RBFOX1: variants seen among roughly 807,000 people sequenced by gnomAD.
RBFOX1 encodes the protein RNA binding protein fox-1 homolog 1.
A neutral mutation model predicts 57.7 loss-of-function variants in RBFOX1; 8 were observed. That is an observed-to-expected ratio of 0.14 (90% CI 0.08 to 0.25). RBFOX1 has a LOEUF of 0.25. Ranked by LOEUF, RBFOX1 falls within the 10% of genes least tolerant of loss-of-function variation. The pLI is 1.00. For missense variants in RBFOX1, 611 were observed against 548.5 expected (o/e 1.11, Z -1.14); for synonymous variants, 326 against 222.4 (o/e 1.47, Z -4.15).
At chr16:7,080,307 C>A (rs2058992275) in intron 4 of RBFOX1, among the ~76,000 whole-genome samples, 1 of 152,030 alleles carries the variant, frequency 6.6e-6, no homozygotes, top group African/African-American at 2.4e-5. Flanking sequence ...TGAACACTGG[C>A]ATAAATAGAT....
intron 4 of RBFOX1, among the ~76,000 whole-genome samples, chr16:7,305,111 T>A (rs981863414): frequency 3.3e-5 from 5 of 150,560 alleles, no homozygotes; most frequent in Non-Finnish European, 5.9e-5. Flanking sequence ...TGGCATGTGT[T>A]AGGGTGTTTG....
chr16:6,858,440 A>G (rs149460532), intron 3 of RBFOX1, among the ~76,000 whole-genome samples: 77 of 152,218 alleles, frequency 5.1e-4, no homozygotes, highest in Middle Eastern at 3.4e-3. Context: ...GAGTTCCACA[A>G]TCTCGTTATG....
At chr16:7,673,807 A>G (rs996030618) in intron 13 of RBFOX1, among the ~76,000 whole-genome samples, 6 of 152,308 alleles carry the variant, frequency 3.9e-5, no homozygotes, top group Middle Eastern at 3.4e-3. Context: ...GCGTAGAACT[A>G]TTTTGTGTTT....
chr16:6,223,061 TG>T (rs2097387557), intron 1 of RBFOX1, among the ~76,000 whole-genome samples: 1 of 149,658 alleles, frequency 6.7e-6, no homozygotes, highest in South Asian at 2.2e-4. Context: ...TAGTATTCCA[TG>T]GTGTATATGT....
At chr16:6,155,598 G>A (rs1236240872) in intron 1 of RBFOX1, among the ~76,000 whole-genome samples, 1 of 152,210 alleles carries the variant, frequency 6.6e-6, no homozygotes, top group African/African-American at 2.4e-5. Flanking sequence ...TGGCTGCGCA[G>A]TGGCCTATGT....
intron 2 of RBFOX1, among the ~76,000 whole-genome samples, chr16:6,446,160 G>C (rs747444104): frequency 2.6e-5 from 4 of 151,986 alleles, no homozygotes; most frequent in Admixed American, 2.6e-4. Flanking sequence ...TAATTTTTAA[G>C]CCTAGTTAAT....
chr16:6,924,640 C>A (rs1262022986), intron 3 of RBFOX1, among the ~76,000 whole-genome samples: 1 of 151,804 alleles, frequency 6.6e-6, no homozygotes, highest in East Asian at 1.9e-4. Flanking sequence ...ACCTCTTGTC[C>A]TTACTGTGAT....
At chr16:6,690,758 C>CTTTTTTTTTT (rs71145276) in intron 3 of RBFOX1, among the ~76,000 whole-genome samples, 2 of 141,074 alleles carry the variant, frequency 1.4e-5, no homozygotes, top group African/African-American at 2.6e-5. Context: ...TTCTTTCTTT[C>CTTTTTTTTTT]TTTTTTTTTT....
At chr16:6,702,280 G>A (rs1378142181) in intron 3 of RBFOX1, among the ~76,000 whole-genome samples, 6 of 152,090 alleles carry the variant, frequency 3.9e-5, no homozygotes, top group African/African-American at 1.2e-4. Flanking sequence ...TCGGCCAGCC[G>A]TGGTGGCTCA....
chr16:6,754,203 G>A (rs2075413135), intron 3 of RBFOX1, among the ~76,000 whole-genome samples: 1 of 152,124 alleles, frequency 6.6e-6, no homozygotes, highest in Non-Finnish European at 1.5e-5. Context: ...CTACAGCTAG[G>A]AAAGTGTCTA....
chr16:7,222,498 C>T (rs988317232), intron 4 of RBFOX1, among the ~76,000 whole-genome samples: 1 of 152,164 alleles, frequency 6.6e-6, no homozygotes, highest in African/African-American at 2.4e-5. Flanking sequence ...GAAGTGACAA[C>T]CTAATGCATG....
Position 7,653,872 on chromosome 16 carries a change from T to G in RBFOX1, c.815T>G (p.Leu272Arg). 1 of 1,603,946 alleles carries G rather than the reference T, an allele frequency of 6.2e-7. No homozygotes were observed. The highest frequency in any genetic ancestry group is 8.5e-7 in the Non-Finnish European group (1 of 1,179,142). ...GCGGCCGCCTACCGAGGGGCGCACC[T>G]GCGAGGCCGCGGTCGCACCGTGTAC... ...TAAAAYRGAH[L>R]RGRGRTVYNT... Residue 272 changes from leucine (L) to arginine (R), a missense_variant, in exon 12 of 16, where the codon CTG becomes CGG. Transcript: ENST00000550418.
chr16:7,175,489 C>T (rs1000019757), intron 4 of RBFOX1, among the ~76,000 whole-genome samples: 2 of 152,150 alleles, frequency 1.3e-5, no homozygotes, highest in Admixed American at 6.5e-5. Context: ...GGAGCTGAGA[C>T]TTTCGCTGCC....
At position 6,252,290 on chromosome 16, in the gene RBFOX1, A is replaced by G. The variant is rs7185586; in HGVS notation, c.-126-64705A>G. ...GAAGAAAGGTAAAATGGGCTATTCA[A>G]TGAGGAGTCTAGGTGTTGGGAAGAA... On this transcript the variant is annotated intron_variant, in intron 1 of 15. Transcript: ENST00000550418. Among the ~76,000 whole-genome samples the G allele has an allele frequency of 2.9e-3, 439 of 152,292 alleles. 2 individuals carry two copies. The highest frequency in any genetic ancestry group is 0.01 in the African/African-American group (417 of 41,578).
intron 3 of RBFOX1, chr16:6,983,830 A>G (rs1351287162): frequency 6.6e-6 from 1 of 152,508 alleles, no homozygotes; most frequent in Admixed American, 6.5e-5. Flanking sequence ...TGGACAAGAC[A>G]TTAGGCTGGG....
chr16:6,375,297 C>G (rs373010398), intron 2 of RBFOX1, among the ~76,000 whole-genome samples: 2 of 137,284 alleles, frequency 1.5e-5, no homozygotes, highest in African/African-American at 7.2e-5. Context: ...GGAAAAAAAA[C>G]AAAAACAAAA....
intron 4 of RBFOX1, among the ~76,000 whole-genome samples, chr16:7,414,309 G>A (rs983585843): frequency 6.6e-6 from 1 of 152,210 alleles, no homozygotes; most frequent in South Asian, 2.1e-4. Context: ...CACTGGCCAG[G>A]TTATGGGAAG....
At chr16:7,175,145 C>G (rs144255549) in intron 4 of RBFOX1, among the ~76,000 whole-genome samples, 11 of 151,986 alleles carry the variant, frequency 7.2e-5, no homozygotes, top group African/African-American at 2.4e-4. Context: ...AACCCATCAC[C>G]TCGGTATTAA....
At chr16:5,671,297 G>A (rs1022272657) in intron 3 of RBFOX1, among the ~76,000 whole-genome samples, 2 of 152,228 alleles carry the variant, frequency 1.3e-5, no homozygotes, top group African/African-American at 4.8e-5. Context: ...GAGCAAGGAG[G>A]CAGGGGGAGA....
Sources: allele counts gnomAD v4.1 joint callset (sites outside exome capture counted in the v4.1 genomes callset), GRCh38; gene constraint gnomAD v4.1.1; transcripts MANE v1.5; gene names NCBI Gene and HGNC (gene_info 2026-07-23, HGNC 2026-07-21).